The following EBF3 variants were observed in gnomAD, a reference collection of about 807,000 sequenced individuals.
EBF3 encodes the protein EBF transcription factor 3.
A neutral mutation model predicts 77.1 loss-of-function variants in EBF3; 18 were observed. That is an observed-to-expected ratio of 0.23 (90% CI 0.16 to 0.35). EBF3 has a LOEUF of 0.35. Among genes scored for constraint, EBF3 ranks in the 10% least tolerant of loss-of-function variants. EBF3 has a pLI of 1.00. For synonymous variants in EBF3, 350 were observed against 343.5 expected, an observed-to-expected ratio of 1.02 and a Z score of -0.21; for missense variants, 558 against 860.0, an observed-to-expected ratio of 0.65 and a Z score of 4.39.
chr10:129,878,486 T>C (rs11016995), intron 6 of EBF3, among the ~76,000 whole-genome samples: 28,710 of 151,642 alleles, frequency 0.19, 2,824 homozygotes, highest in African/African-American at 0.24. Flanking sequence ...CTGGCCAACA[T>C]GGTGAAACCC....
At chr10:129,903,276 C>A (rs1171146107) in intron 6 of EBF3, among the ~76,000 whole-genome samples, 2 of 152,180 alleles carry the variant, frequency 1.3e-5, no homozygotes, top group East Asian at 3.9e-4. Context: ...GGCCAATTTC[C>A]AAAGTAATAT....
chr10:129,907,940 G>T (rs902917565), intron 6 of EBF3, among the ~76,000 whole-genome samples: 2 of 152,168 alleles, frequency 1.3e-5, no homozygotes, highest in African/African-American at 4.8e-5. Flanking sequence ...AATAATAGCA[G>T]CACTGAACAG....
At chr10:129,928,313 G>A (rs1010641091) in intron 6 of EBF3, among the ~76,000 whole-genome samples, 1 of 152,176 alleles carries the variant, frequency 6.6e-6, no homozygotes, top group Non-Finnish European at 1.5e-5. Flanking sequence ...GCCAGCCAGA[G>A]CTAACCACAA....
Position 129,963,126 on chromosome 10 carries a change from G to T in EBF3, c.292-121C>A. 2 of 1,333,756 alleles carry T rather than the reference G, an allele frequency of 1.5e-6. No homozygotes were observed. The highest frequency in any genetic ancestry group is 2.1e-6 in the Non-Finnish European group (2 of 934,650). 82.6% of individuals were successfully genotyped at this position (1,333,756 alleles called of 1,614,324 possible). ...CACATGGCAGGATTCCTAGCTCGAAGCAGCGCGGTGATGTCACTTTCCTGC... is the reference window on the plus strand; with the variant it reads ...CACATGGCAGGATTCCTAGCTCGAATCAGCGCGGTGATGTCACTTTCCTGC... On this transcript the variant is annotated intron_variant, in intron 2 of 16. Coordinates refer to ENST00000440978, the MANE Select transcript of EBF3 (RefSeq NM_001375380.1). This position sits in a 1 kb window ranked among gnomAD's most constrained non-coding sequence, Gnocchi z 7.1.
rs117030248 is a variant in EBF3, at chr10:129,850,031, C to T, written c.1040-1551G>A. Among the ~76,000 whole-genome samples the T allele has an allele frequency of 1.4e-4, 21 of 152,370 alleles. No homozygotes were observed. The East Asian group carries it at 2.7e-3, about 20-fold the overall frequency. On this transcript the variant is annotated intron_variant, in intron 10 of 16. Transcript: ENST00000440978. ...TGTCAGGCAAAAGCATAGTTCGGGC[C>T]GCGGGGCGCGTGCGCAGTCGCCCAG...
chr10:129,891,333 G>A (rs1854005535), intron 6 of EBF3, among the ~76,000 whole-genome samples: 1 of 152,048 alleles, frequency 6.6e-6, no homozygotes, highest in South Asian at 2.1e-4. Flanking sequence ...TGCCCTCTCA[G>A]CTCTTTTGCA....
chr10:129,859,297 C>T (rs1360042973), intron 10 of EBF3, among the ~76,000 whole-genome samples: 2 of 152,174 alleles, frequency 1.3e-5, no homozygotes, highest in Non-Finnish European at 2.9e-5. Context: ...TCTCGGCTCA[C>T]TGCAGCCTCC....
At chr10:129,911,100 G>C (rs1369805425) in intron 6 of EBF3, among the ~76,000 whole-genome samples, 1 of 152,202 alleles carries the variant, frequency 6.6e-6, no homozygotes, top group Non-Finnish European at 1.5e-5. Flanking sequence ...GGAGAACGGG[G>C]TCATTCCTTT....
intron 7 of EBF3, among the ~76,000 whole-genome samples, chr10:129,876,730 GT>G (rs1219157635): frequency 1.4e-4 from 22 of 152,184 alleles, no homozygotes; most frequent in African/African-American, 5.3e-4. Flanking sequence ...TCTCTGGCTG[GT>G]TTTGTATTCT....
chr10:129,906,110 C>T (rs892738250), intron 6 of EBF3, among the ~76,000 whole-genome samples: 8 of 152,072 alleles, frequency 5.3e-5, no homozygotes, highest in Non-Finnish European at 8.8e-5. Flanking sequence ...CTGTCAAGAG[C>T]GCTTTTGAGA....
chr10:129,948,406 G>A (rs746011963), intron 6 of EBF3, among the ~76,000 whole-genome samples: 26 of 152,262 alleles, frequency 1.7e-4, no homozygotes, highest in African/African-American at 2.6e-4. Context: ...CAGGAAAGGG[G>A]GAGGGGTGGC....
chr10:129,962,520 T>G (rs1049902458), intron 3 of EBF3, among the ~76,000 whole-genome samples: 5 of 152,028 alleles, frequency 3.3e-5, no homozygotes, highest in Admixed American at 1.3e-4. Flanking sequence ...TGGTCGTTTA[T>G]TTTTAGAAAA....
intron 10 of EBF3, among the ~76,000 whole-genome samples, chr10:129,852,537 A>C (rs1850961965): frequency 6.6e-6 from 1 of 152,180 alleles, no homozygotes; most frequent in Non-Finnish European, 1.5e-5. Flanking sequence ...TTTCATTTTG[A>C]TGGCTTAACC....
intron 6 of EBF3, among the ~76,000 whole-genome samples, chr10:129,889,951 T>A (rs1469183262): frequency 9.3e-6 from 1 of 108,102 alleles, no homozygotes; most frequent in Non-Finnish European, 1.8e-5. Context: ...AGTGCCTTTT[T>A]TTTTTTTTTT....
intron 6 of EBF3, among the ~76,000 whole-genome samples, chr10:129,911,825 T>TC (rs1420820676): frequency 6.6e-6 from 1 of 152,118 alleles, no homozygotes; most frequent in East Asian, 1.9e-4. Flanking sequence ...AAGTGCCCTC[T>TC]CACCCACAGG....
intron 10 of EBF3, among the ~76,000 whole-genome samples, chr10:129,851,851 T>C (rs908331336): frequency 6.6e-6 from 1 of 152,362 alleles, no homozygotes; most frequent in African/African-American, 2.4e-5. Flanking sequence ...CCTCATTTAG[T>C]GGAGGGCCTT....
At position 129,962,362 on chromosome 10, in the gene EBF3, G is replaced by C. The variant is rs1859591503; in HGVS notation, c.356-136C>G. ...CAGAACTTAGGCAATCCCTTTGAAA[G>C]GGAGAAAGAGAACCCCACCACTTCT... is the stretch of plus-strand genomic sequence containing the variant. On this transcript the variant is annotated intron_variant, in intron 3 of 16. Transcript: ENST00000440978. The C allele has an allele frequency of 1.5e-5, 11 of 727,500 alleles. No homozygotes were observed. In the South Asian group the frequency reaches 1.9e-4, roughly 13 times the overall value. The allele number at this position is 727,500 out of a possible 1,614,324, so 45.1% of individuals were successfully genotyped here.
chr10:129,838,575 C>A (rs1207734035), intron 16 of EBF3, among the ~76,000 whole-genome samples: 1 of 152,228 alleles, frequency 6.6e-6, no homozygotes, highest in East Asian at 1.9e-4. Flanking sequence ...AGACGTGAGT[C>A]ATGGCACCGC....
chr10:129,934,724 T>C (rs1984104), intron 6 of EBF3, among the ~76,000 whole-genome samples: 123,863 of 152,118 alleles, frequency 0.81, 50,964 homozygotes, highest in East Asian at 0.96. Flanking sequence ...AGCAACTCCA[T>C]GGGCGCCAAA....
Sources: allele counts gnomAD v4.1 joint callset (sites outside exome capture counted in the v4.1 genomes callset), GRCh38; gene constraint gnomAD v4.1.1; non-coding constraint Gnocchi (gnomAD v3.1); transcripts MANE v1.5; gene names NCBI Gene and HGNC (gene_info 2026-07-23, HGNC 2026-07-21).